WNT2B: variants seen among roughly 807,000 people sequenced by gnomAD.
WNT2B encodes the protein protein Wnt-2b.
WNT2B carries 19 observed loss-of-function variants against 40.5 expected under a neutral mutation model. The ratio of observed to expected loss-of-function variants is 0.47; its 90% CI spans 0.33 to 0.69. WNT2B has a LOEUF of 0.69. WNT2B is among the 30% of genes least tolerant of loss of function. The probability of loss-of-function intolerance (pLI) is 0.02; values close to 1 mark genes in which losing one functional copy is unlikely to be tolerated. For missense variants in WNT2B, 467 were observed against 556.4 expected, an observed-to-expected ratio of 0.84 and a Z score of 1.62; for synonymous variants, 220 against 211.9, an observed-to-expected ratio of 1.04 and a Z score of -0.33.
rs552128445 is a variant in WNT2B at position 112,471,518 on chromosome 1, G to A, written c.-95+3927G>A. 2.0e-5 allele frequency among the ~76,000 whole-genome samples: 3 copies of A among 152,284 alleles called. No homozygotes were observed. The East Asian group carries it at 5.8e-4, about 29-fold the overall frequency. On this transcript the variant is annotated intron_variant, in intron 1 of 4. Transcript: ENST00000256640. ...TTGATTCCTTCTTTAAAGAGTGAGT[G>A]TCTAATGTCTCTAGTCAGCCATTTT...
At position 112,509,097 on chromosome 1, in the gene WNT2B, T is replaced by C; in HGVS notation, c.-166T>C. ...CCGGACATCGCAACTTGCGCCCCTCTCGGGGATCCTCCTCCCGGGCTCTGG... is the reference window on the plus strand; with the variant it reads ...CCGGACATCGCAACTTGCGCCCCTCCCGGGGATCCTCCTCCCGGGCTCTGG... On this transcript the variant is annotated 5_prime_UTR_variant, in exon 1 of 5. Transcript: ENST00000369684. This position sits in a 1 kb window ranked among gnomAD's most constrained non-coding sequence, Gnocchi z 4.2. 7.4e-6 allele frequency: 10 copies of C among 1,355,336 alleles called. No individual in the cohort carries two copies. The highest frequency in any genetic ancestry group is 9.4e-6 in the Non-Finnish European group (10 of 1,062,446). The allele number at this position is 1,355,336 out of a possible 1,614,324, so 84.0% of individuals were successfully genotyped here.
rs187339086 is a variant in WNT2B at position 112,476,566 on chromosome 1, A to G, written c.-95+8975A>G. Among the ~76,000 whole-genome samples the G allele has an allele frequency of 3.2e-4, 49 of 151,976 alleles. 3 individuals carry two copies. The East Asian group carries it at 4.8e-3, about 15-fold the overall frequency. ...AAAAAATACAGAAAGTATCCTACCT[A>G]CTCCACCCCATCCCCCAGTCCAAGC... On this transcript the variant is annotated intron_variant, in intron 1 of 4. Transcript: ENST00000256640.
At chr1:112,474,899 A>G (rs1369008921) in intron 1 of WNT2B, among the ~76,000 whole-genome samples, 2 of 152,074 alleles carry the variant, frequency 1.3e-5, no homozygotes, top group Non-Finnish European at 2.9e-5. Context: ...CCCCACACAC[A>G]CACCCAGCTC....
In WNT2B at chr1:112,526,049, A is replaced by G. The variant is rs1384040360; in HGVS notation, c.*5540A>G. 1 of 1,614,180 alleles carries G rather than the reference A, an allele frequency of 6.2e-7. No homozygotes were observed. Among genetic ancestry groups the G allele is most frequent in the Non-Finnish European group, 8.5e-7 (1 of 1,180,032 alleles). ...TCAAACCTAGGTCTTCTGACTTCAA[A>G]TCCTGTGTATTCTCCTCAAAGCCTG... On this transcript the variant is annotated 3_prime_UTR_variant, in exon 5 of 5. Coordinates refer to ENST00000369684, the MANE Select transcript of WNT2B (RefSeq NM_024494.3).
At chr1:112,484,262 TATATATACAC>T (rs1408046596) in intron 1 of WNT2B, among the ~76,000 whole-genome samples, 200 of 97,286 alleles carry the variant, frequency 2.1e-3, no homozygotes, top group East Asian at 0.016. Context: ...TATACACATA[TATATATACAC>T]ATATATATAT....
chr1:112,516,125 C>A lies in WNT2B; in HGVS notation c.404-15C>A, dbSNP rs199849456. On this transcript the variant is annotated splice_polypyrimidine_tract_variant and intron_variant, in intron 2 of 4. Transcript: ENST00000369684. ...GCCTCTTTCCTGAAGCACACCTCTA[C>A]AATTCTCTCTCTAGGTAGCCGAGAG... 1.9e-6 allele frequency: 3 copies of A among 1,603,388 alleles called. No individual in the cohort carries two copies. The highest frequency in any genetic ancestry group is 2.6e-6 in the Non-Finnish European group (3 of 1,172,538).
chr1:112,517,327 G>T lies in WNT2B; in HGVS notation c.888G>T (p.Arg296=). Residue 296 remains arginine (R), a synonymous_variant, in exon 4 of 5, where the codon CGG becomes CGT. Coordinates refer to ENST00000369684, the MANE Select transcript of WNT2B (RefSeq NM_024494.3). The part of the protein sequence containing the change: ...AARQGYRRAT[R]TDLVYFDNSP... ...GCCAAGGCTATCGCCGTGCCACCCGGACTGATCTTGTCTACTTTGACAACT... is the reference window on the plus strand; with the variant it reads ...GCCAAGGCTATCGCCGTGCCACCCGTACTGATCTTGTCTACTTTGACAACT... 1 of 1,613,770 alleles carries T rather than the reference G, an allele frequency of 6.2e-7. No individual in the cohort carries two copies. Among genetic ancestry groups the T allele is most frequent in the South Asian group, 1.1e-5 (1 of 91,062 alleles).
chr1:112,514,677 T>C, intron 1 of WNT2B, 197 bp from the exon 2 acceptor site: 1 of 615,288 alleles, frequency 1.6e-6, no homozygotes, highest in Admixed American at 2.8e-5. Flanking sequence ...TCAATTACTC[T>C]CTCTGCAACT....
chr1:112,479,199 T>C (rs1202149388), intron 1 of WNT2B, among the ~76,000 whole-genome samples: 1 of 146,768 alleles, frequency 6.8e-6, no homozygotes, highest in Non-Finnish European at 1.5e-5. Flanking sequence ...CCAGCCTGGG[T>C]GACAAGAGTG....
rs1384777641 is a variant in WNT2B, at chr1:112,527,702, T to TC, written c.*7194dup. On this transcript the variant is annotated 3_prime_UTR_variant, in exon 5 of 5. Transcript: ENST00000369684. ...CTCCCATTTTCAGGTCTACTCCTGG[T>TC]CTCACATCTACTTCTTGAAGGTGTC... 6.6e-6 allele frequency: 1 copy of TC among 152,610 alleles called. No homozygotes were observed. The highest frequency in any genetic ancestry group is 1.5e-5 in the Non-Finnish European group (1 of 68,058). 9.5% of individuals were successfully genotyped at this position (152,610 alleles called of 1,614,324 possible). A position where few individuals can be genotyped will look rare whatever the true frequency, so the allele number is the denominator to read the frequency against.
At chr1:112,490,637 C>T (rs1378649265) in intron 1 of WNT2B, among the ~76,000 whole-genome samples, 2 of 151,820 alleles carry the variant, frequency 1.3e-5, no homozygotes, top group Non-Finnish European at 1.5e-5. Context: ...CTACCGGCGC[C>T]CATCACCACA....
At chr1:112,506,929 G>A (rs946804466), upstream of WNT2B, among the ~76,000 whole-genome samples, 1 of 152,196 alleles carries the variant, frequency 6.6e-6, no homozygotes, top group Non-Finnish European at 1.5e-5. Flanking sequence ...CAAGTGGGGA[G>A]CACTGCCTCC....
intron 1 of WNT2B, among the ~76,000 whole-genome samples, chr1:112,496,018 A>G (rs1651755723): frequency 6.6e-6 from 1 of 152,224 alleles, no homozygotes; most frequent in Non-Finnish European, 1.5e-5. Flanking sequence ...CTCCACCCTC[A>G]TAACTTAATT....
At chr1:112,491,193 A>G in intron 1 of WNT2B, 3 of 1,031,556 alleles carry the variant, frequency 2.9e-6, no homozygotes, top group East Asian at 5.4e-5. Flanking sequence ...GTGGATCACA[A>G]GGGCAAGAGT....
chr1:112,485,374 T>C (rs1199192000), intron 1 of WNT2B, among the ~76,000 whole-genome samples: 2 of 151,686 alleles, frequency 1.3e-5, no homozygotes, highest in Non-Finnish European at 2.9e-5. Flanking sequence ...GGCACGAGGA[T>C]TGCTTGAACC....
At chr1:112,504,264 C>T (rs957185898), upstream of WNT2B, among the ~76,000 whole-genome samples, 4 of 152,026 alleles carry the variant, frequency 2.6e-5, no homozygotes, top group South Asian at 2.1e-4. Context: ...CTGCCCCCAT[C>T]GTCTCACCTC....
In WNT2B at chr1:112,484,765, C is replaced by A. The variant is rs182827852; in HGVS notation, c.-95+17174C>A. ...TTGAAAAAAAAAAAAAGGTTTATTT[C>A]TTTATATTAGCAATGGAAGTAGAAA... On this transcript the variant is annotated intron_variant, in intron 1 of 4. Coordinates refer to the WNT2B transcript ENST00000256640. Among the ~76,000 whole-genome samples, 936 of 150,714 alleles carry A rather than the reference C, an allele frequency of 6.2e-3. 11 individuals carry two copies. The highest frequency in any genetic ancestry group is 0.022 in the African/African-American group (896 of 41,096).
Position 112,520,565 on chromosome 1 carries a change from A to C in WNT2B, c.*56A>C, listed in dbSNP as rs1259905230. The C allele has an allele frequency of 6.4e-7, 1 of 1,562,472 alleles. No homozygotes were observed. The highest frequency in any genetic ancestry group is 1.4e-5 in the African/African-American group (1 of 73,548). On this transcript the variant is annotated 3_prime_UTR_variant, in exon 5 of 5. Transcript: ENST00000369684. ...TCAAGCCTCTCAACTCAAAAGCACA[A>C]GATCCTTGCATGCACACCTTCCTCC... is the stretch of plus-strand genomic sequence containing the variant.
intron 1 of WNT2B, among the ~76,000 whole-genome samples, chr1:112,483,832 A>G (rs1651312630): frequency 6.6e-6 from 1 of 150,986 alleles, no homozygotes. Context: ...AAATAACCCT[A>G]CTTTAAAATG....
Sources: gnomAD v4.1 joint callset for allele counts (sites outside exome capture counted in the v4.1 genomes callset) on GRCh38, gnomAD v4.1.1 for gene constraint, Gnocchi (gnomAD v3.1) non-coding constraint, MANE v1.5 for transcripts, NCBI Gene and HGNC (gene_info 2026-07-23, HGNC 2026-07-21) for gene names.